Variants in ADAMTS7 observed in about 807,000 individuals in gnomAD.
ADAMTS7 encodes the protein A disintegrin and metalloproteinase with thrombospondin motifs 7.
A neutral mutation model predicts 172.6 loss-of-function variants in ADAMTS7; 89 were observed. The observed-to-expected ratio is 0.52, with a 90% CI of 0.43 to 0.61. The LOEUF (loss-of-function observed/expected upper bound fraction) is 0.61, where lower values mean the gene tolerates loss of function less well. ADAMTS7 is among the 20% of genes least tolerant of loss of function. ADAMTS7 has a pLI of 0.00. For missense variants in ADAMTS7, 1,973 were observed against 2,355.6 expected, an observed-to-expected ratio of 0.84 and a Z score of 3.36; for synonymous variants, 885 against 978.4, an observed-to-expected ratio of 0.90 and a Z score of 1.78.
At chr15:78,775,635 C>T (rs912361001) in intron 11 of ADAMTS7, among the ~76,000 whole-genome samples, 3 of 152,130 alleles carry the variant, frequency 2.0e-5, no homozygotes, top group African/African-American at 7.2e-5. Flanking sequence ...AGTGCTGTCC[C>T]ATCCTCCCAG....
Position 78,811,272 on chromosome 15 carries a change from C to A in ADAMTS7, c.-52G>T, listed in dbSNP as rs2055863515. On this transcript the variant is annotated 5_prime_UTR_variant, in exon 1 of 24. Transcript: ENST00000388820. The stretch of plus-strand genomic sequence containing the variant: ...ACCCCGCGCGCACGCTCTCGTCCGT[C>A]CCGTCCGGTCGCTGCCTGGTCCCAG... 1 of 1,221,490 alleles carries A rather than the reference C, an allele frequency of 8.2e-7. No homozygotes were observed. Among genetic ancestry groups the A allele is most frequent in the South Asian group, 4.1e-5 (1 of 24,126 alleles). The allele number at this position is 1,221,490 out of a possible 1,614,324, so 75.7% of individuals were successfully genotyped here. A position where few individuals can be genotyped will look rare whatever the true frequency, so the allele number is the denominator to read the frequency against.
In ADAMTS7 at chr15:78,769,693, G is replaced by T. The variant is rs531210818; in HGVS notation, c.2519-1434C>A. Among the ~76,000 whole-genome samples, 35 of 152,324 alleles carry T rather than the reference G, an allele frequency of 2.3e-4. No individual in the cohort carries two copies. The South Asian group carries it at 7.3e-3, about 32-fold the overall frequency. ...CCCGCCAGCTTAGACTGTGCATCTG[G>T]GACTTCCTGCCTGAGACAAAGAACC... On this transcript the variant is annotated intron_variant, in intron 16 of 23. Transcript: ENST00000388820.
Position 78,764,119 on chromosome 15 carries a change from T to C in ADAMTS7, c.4420-20A>G, listed in dbSNP as rs1469042158. 8.6e-6 allele frequency: 13 copies of C among 1,505,830 alleles called. No individual in the cohort carries two copies. Among genetic ancestry groups the C allele is most frequent in the Admixed American group, 2.1e-5 (1 of 46,604 alleles). 93.3% of individuals were successfully genotyped at this position (1,505,830 alleles called of 1,614,324 possible). A position where few individuals can be genotyped will look rare whatever the true frequency, so the allele number is the denominator to read the frequency against. On this transcript the variant is annotated intron_variant, in intron 20 of 23. Coordinates refer to ENST00000388820, the MANE Select transcript of ADAMTS7 (RefSeq NM_014272.5). Reference sequence around the variant, plus strand: ...GGAGCACTGGGGACCGAGAGACGTGTATGGACACATCCCCATGTGCAGGCC... The same window carrying C: ...GGAGCACTGGGGACCGAGAGACGTGCATGGACACATCCCCATGTGCAGGCC...
chr15:78,796,579 C>G lies in ADAMTS7; in HGVS notation c.819+11G>C, dbSNP rs776834589. 1.2e-6 allele frequency: 2 copies of G among 1,606,626 alleles called. No individual in the cohort carries two copies. Among genetic ancestry groups the G allele is most frequent in the Non-Finnish European group, 1.7e-6 (2 of 1,174,902 alleles). On this transcript the variant is annotated intron_variant, in intron 4 of 23. Transcript: ENST00000388820. ...ATCCCCGCCACCCGCTCCTGGCCCA[C>G]ACAGACTCACCATGTTCATGATGGT... is the stretch of plus-strand genomic sequence containing the variant.
intron 4 of ADAMTS7, among the ~76,000 whole-genome samples, chr15:78,792,754 C>T (rs1401045082): frequency 6.6e-6 from 1 of 152,144 alleles, no homozygotes; most frequent in Admixed American, 6.5e-5. Flanking sequence ...GCAGAGGCTG[C>T]AGTGAGCTGA....
At chr15:78,791,711 T>G (rs541000438) in intron 4 of ADAMTS7, among the ~76,000 whole-genome samples, 20 of 152,344 alleles carry the variant, frequency 1.3e-4, no homozygotes, top group Non-Finnish European at 2.1e-4. Flanking sequence ...GGCATAGAAC[T>G]GGGCAGGGCT....
intron 8 of ADAMTS7, among the ~76,000 whole-genome samples, chr15:78,777,806 T>C (rs2141492939): frequency 6.6e-6 from 1 of 152,308 alleles, no homozygotes; most frequent in African/African-American, 2.4e-5. Context: ...GCACTCCAGC[T>C]GGCTAAACAA....
chr15:78,779,796 GC>G (rs932227048), intron 8 of ADAMTS7, among the ~76,000 whole-genome samples: 1 of 152,064 alleles, frequency 6.6e-6, no homozygotes, highest in Non-Finnish European at 1.5e-5. Context: ...CAGTCCCTGG[GC>G]TGCAGCCCAG....
rs757935749 is a variant in ADAMTS7, at chr15:78,771,348, A to G, written c.2377-45T>C. ...CCCATGAGCACAAGGTGTCTTCTCCATCCACCCAGTCCTAAAGGAGCTGAC... is the reference window on the plus strand; with the variant it reads ...CCCATGAGCACAAGGTGTCTTCTCCGTCCACCCAGTCCTAAAGGAGCTGAC... On this transcript the variant is annotated intron_variant, in intron 15 of 23. Coordinates refer to ENST00000388820, the MANE Select transcript of ADAMTS7 (RefSeq NM_014272.5). The surrounding 1 kb of genome is among the most constrained non-coding windows in gnomAD (Gnocchi z 4.9). The G allele has an allele frequency of 5.0e-6, 8 of 1,611,160 alleles. No homozygotes were observed. The highest frequency in any genetic ancestry group is 6.8e-6 in the Non-Finnish European group (8 of 1,178,394).
At chr15:78,768,720 G>C (rs1294036382) in intron 16 of ADAMTS7, among the ~76,000 whole-genome samples, 1 of 152,220 alleles carries the variant, frequency 6.6e-6, no homozygotes, top group African/African-American at 2.4e-5. Context: ...GCTGCTGTTA[G>C]CATGCAAACC....
At position 78,790,778 on chromosome 15, in the gene ADAMTS7, G is replaced by A. The variant is rs2127898; in HGVS notation, c.920C>T (p.Thr307Met). The A allele has an allele frequency of 0.28, 450,209 of 1,601,716 alleles. 66,607 individuals carry two copies. Among genetic ancestry groups the A allele is most frequent in the South Asian group, 0.4 (36,002 of 90,768 alleles). ...CTTCAGGGTGTTGTCTGCATGGTGC[G>A]TGATCTTTAGGTCCTCCTGGGGGCA... ...LEDEEEDLKI[T>M]HHADNTLKSF... The change falls in exon 6 of 24, where the codon ACG becomes ATG. Residue 307 changes from threonine to methionine, a missense_variant. Around this residue, in one of 8 missense-constraint regions of ADAMTS7, gnomAD observed 526 missense variants for 662.9 expected, o/e 0.79. Transcript: ENST00000388820.
At chr15:78,792,287 C>T (rs1229856525) in intron 4 of ADAMTS7, among the ~76,000 whole-genome samples, 1 of 152,148 alleles carries the variant, frequency 6.6e-6, no homozygotes, top group African/African-American at 2.4e-5. Flanking sequence ...TTTTGCCTCC[C>T]AAGTTTTGCC....
chr15:78,763,420 T>G (rs112726729), intron 22 of ADAMTS7, among the ~76,000 whole-genome samples: 1 of 152,186 alleles, frequency 6.6e-6, no homozygotes, highest in African/African-American at 2.4e-5. Flanking sequence ...ACACCTGATG[T>G]CCCTTCGATC....
chr15:78,791,434 T>C lies in ADAMTS7; in HGVS notation c.820-211A>G, dbSNP rs60960636. Among the ~76,000 whole-genome samples, 4,397 of 152,230 alleles carry C rather than the reference T, an allele frequency of 0.029. 572 individuals are homozygous for C. In the East Asian group the frequency reaches 0.37, roughly 13 times the overall value. On this transcript the variant is annotated intron_variant, in intron 4 of 23. Transcript: ENST00000388820. ...CCACACCTCACACACACTGCCCCAA[T>C]GTGGCAGCAGCAGAACCTGGAGAGG... is the stretch of plus-strand genomic sequence containing the variant.
chr15:78,792,407 G>A (rs1296497463), intron 4 of ADAMTS7, among the ~76,000 whole-genome samples: 1 of 152,096 alleles, frequency 6.6e-6, no homozygotes, highest in African/African-American at 2.4e-5. Context: ...CATATTCTGC[G>A]GCCCCTCCAG....
At position 78,809,971 on chromosome 15, in the gene ADAMTS7, C is replaced by T. The variant is rs551352361; in HGVS notation, c.100+1150G>A. Among the ~76,000 whole-genome samples the T allele has an allele frequency of 2.6e-5, 4 of 152,370 alleles. No individual in the cohort carries two copies. In the South Asian group the frequency reaches 8.3e-4, roughly 32 times the overall value. On this transcript the variant is annotated intron_variant, in intron 1 of 23. Transcript: ENST00000388820. ...TGCGCTCTGCGCATGGCTGCTAGAC[C>T]AAATCTTTCCAAAACACTGCTTTCA...
intron 1 of ADAMTS7, among the ~76,000 whole-genome samples, chr15:78,801,139 G>A (rs573013760): frequency 6.6e-6 from 1 of 152,306 alleles, no homozygotes; most frequent in East Asian, 1.9e-4. Flanking sequence ...AAAGCAGCCA[G>A]AAAGATTCAT....
rs1567237954 is a variant in ADAMTS7, at chr15:78,797,944, A to G, written c.622+4T>C. On this transcript the variant is annotated splice_donor_region_variant and intron_variant, in intron 3 of 23. Transcript: ENST00000388820. Reference sequence around the variant, plus strand: ...ACCCGAGAACTGGGAGCAGAAGAGCATACCTTGCACTCCACAGGTGCTTGG... The same window carrying G: ...ACCCGAGAACTGGGAGCAGAAGAGCGTACCTTGCACTCCACAGGTGCTTGG... 1 of 1,597,278 alleles carries G rather than the reference A, an allele frequency of 6.3e-7. No individual in the cohort carries two copies. Among genetic ancestry groups the G allele is most frequent in the South Asian group, 1.1e-5 (1 of 88,932 alleles).
At chr15:78,787,723 A>T (rs941084782) in intron 8 of ADAMTS7, among the ~76,000 whole-genome samples, 1 of 152,152 alleles carries the variant, frequency 6.6e-6, no homozygotes, top group African/African-American at 2.4e-5. Flanking sequence ...ACATGAAAAA[A>T]AAGGAGAAAG....
Sources: gnomAD v4.1 joint callset for allele counts (sites outside exome capture counted in the v4.1 genomes callset) on GRCh38, gnomAD v4.1.1 for gene constraint, gnomAD v4.1.1 regional missense constraint, Gnocchi (gnomAD v3.1) non-coding constraint, MANE v1.5 for transcripts, NCBI Gene and HGNC (gene_info 2026-07-23, HGNC 2026-07-21) for gene names.